NFIB: variants seen among roughly 807,000 people sequenced by gnomAD.
NFIB encodes the protein nuclear factor I B, also known as nuclear factor 1 B-type.
In NFIB, 11 loss-of-function variants were observed where a neutral mutation model predicts 61.5. That is an observed-to-expected ratio of 0.18 (90% CI 0.11 to 0.30). NFIB has a LOEUF of 0.30. Among genes scored for constraint, NFIB ranks in the 10% least tolerant of loss-of-function variants. The probability of loss-of-function intolerance (pLI) is 1.00; values close to 1 mark genes in which losing one functional copy is unlikely to be tolerated. For synonymous variants in NFIB, 260 were observed against 216.5 expected, an observed-to-expected ratio of 1.20 and a Z score of -1.76; for missense variants, 471 against 608.9, an observed-to-expected ratio of 0.77 and a Z score of 2.38.
At chr9:14,318,840 G>A (rs1352093948), upstream of NFIB, among the ~76,000 whole-genome samples, 1 of 152,130 alleles carries the variant, frequency 6.6e-6, no homozygotes, top group Non-Finnish European at 1.5e-5. Context: ...TGTACTTGAT[G>A]AGAATTGCAA....
chr9:14,138,342 ATAAATAAC>A (rs1686648720), intron 6 of NFIB, among the ~76,000 whole-genome samples: 2 of 152,164 alleles, frequency 1.3e-5, no homozygotes, highest in Admixed American at 1.3e-4. Context: ...TCTTCAATAA[ATAAATAAC>A]ACAGAAAAAG....
intron 3 of NFIB, among the ~76,000 whole-genome samples, chr9:14,176,849 G>A (rs2046240045): frequency 6.6e-6 from 1 of 152,134 alleles, no homozygotes; most frequent in Non-Finnish European, 1.5e-5. Flanking sequence ...GCACTTATAG[G>A]ATGATCGGAT....
chr9:14,427,934 G>GTTTTTTTTTTTTTTTTTTTT, the NFIB span, among the ~76,000 whole-genome samples: 142 of 25,952 alleles, frequency 5.5e-3, 8 homozygotes, highest in Non-Finnish European at 9.4e-3. Flanking sequence ...CTTTAATTCA[G>GTTTTTTTTTTTTTTTTTTTT]TTGTTTTTTT....
At chr9:14,293,898 AGTCT>A (rs2059259267) in intron 2 of NFIB, among the ~76,000 whole-genome samples, 1 of 152,216 alleles carries the variant, frequency 6.6e-6, no homozygotes, top group South Asian at 2.1e-4. Flanking sequence ...TACTAAAAAC[AGTCT>A]GTCTACCTAT....
chr9:14,231,132 AAAAATATATATATAT>A (rs1335083593), intron 2 of NFIB, among the ~76,000 whole-genome samples: 997 of 93,202 alleles, frequency 0.011, 35 homozygotes, highest in African/African-American at 0.04. Flanking sequence ...AAAAAAAAAA[AAAAATATATATATAT>A]ATATATATAT....
At chr9:14,172,694 A>G (rs2045699585) in intron 3 of NFIB, among the ~76,000 whole-genome samples, 1 of 152,174 alleles carries the variant, frequency 6.6e-6, no homozygotes, top group Non-Finnish European at 1.5e-5. Context: ...AAAATCTCTA[A>G]CATTCTATTC....
intron 2 of NFIB, among the ~76,000 whole-genome samples, chr9:14,206,228 G>A (rs1341379494): frequency 6.6e-6 from 1 of 150,632 alleles, no homozygotes; most frequent in Admixed American, 6.6e-5. Flanking sequence ...CCACTCAGGT[G>A]CAGTGGTATG....
At chr9:14,124,466 C>T (rs536094564) in intron 7 of NFIB, among the ~76,000 whole-genome samples, 68 of 152,148 alleles carry the variant, frequency 4.5e-4, no homozygotes, top group African/African-American at 1.5e-3. Flanking sequence ...ATAGCACCAA[C>T]AAATATCAAC....
the NFIB span, among the ~76,000 whole-genome samples, chr9:14,529,595 G>A: frequency 1.3e-5 from 2 of 152,080 alleles, no homozygotes; most frequent in African/African-American, 4.8e-5. Flanking sequence ...CTCTTCCAAT[G>A]TATTACTAAA....
At chr9:14,411,446 AT>A in the NFIB span, among the ~76,000 whole-genome samples, 2 of 152,268 alleles carry the variant, frequency 1.3e-5, no homozygotes, top group South Asian at 2.1e-4. Context: ...GTATATTCTC[AT>A]CCCACTTTCC....
chr9:14,414,430 T>TC, the NFIB span, among the ~76,000 whole-genome samples: 1 of 89,502 alleles, frequency 1.1e-5, no homozygotes, highest in Non-Finnish European at 2.0e-5. Flanking sequence ...TGAGACTGTC[T>TC]CAAAAAAAAA....
chr9:14,289,706 T>TATA (rs1231458199), intron 2 of NFIB, among the ~76,000 whole-genome samples: 1 of 152,016 alleles, frequency 6.6e-6, no homozygotes, highest in East Asian at 1.9e-4. Context: ...TCCAGGGACT[T>TATA]AATTATATTA....
chr9:14,366,774 G>A (rs374587116), intron 1 of NFIB, among the ~76,000 whole-genome samples: 18 of 152,226 alleles, frequency 1.2e-4, no homozygotes, highest in African/African-American at 2.4e-4. Context: ...ATGAGCCACC[G>A]TGCCTGGATG....
intron 1 of NFIB, among the ~76,000 whole-genome samples, chr9:14,338,257 G>C (rs1468251526): frequency 6.6e-6 from 1 of 152,158 alleles, no homozygotes; most frequent in Admixed American, 6.5e-5. Context: ...AGCCGGGCAT[G>C]GTGGCGGGCG....
At chr9:14,457,920 C>G in the NFIB span, among the ~76,000 whole-genome samples, 4 of 152,140 alleles carry the variant, frequency 2.6e-5, no homozygotes, top group African/African-American at 4.8e-5. Context: ...GGATTCACAG[C>G]CAAATTCTAC....
intron 3 of NFIB, among the ~76,000 whole-genome samples, chr9:14,171,625 T>C (rs1485836237): frequency 6.6e-6 from 1 of 152,140 alleles, no homozygotes; most frequent in Admixed American, 6.5e-5. Context: ...AAAGAAATCA[T>C]GAGCAACTCT....
the NFIB span, among the ~76,000 whole-genome samples, chr9:14,530,592 G>A: frequency 1.3e-5 from 2 of 152,148 alleles, no homozygotes. Flanking sequence ...TTCCCTGAAC[G>A]TTGAGCTTTC....
intron 2 of NFIB, among the ~76,000 whole-genome samples, chr9:14,284,046 G>T (rs184277682): frequency 6.6e-6 from 1 of 152,214 alleles, no homozygotes; most frequent in Admixed American, 6.5e-5. Context: ...AGTGAAGCTG[G>T]GAATATGAGC....
chr9:14,495,058 T>G, the NFIB span, among the ~76,000 whole-genome samples: 1 of 152,346 alleles, frequency 6.6e-6, no homozygotes, highest in African/African-American at 2.4e-5. Context: ...AAACTTCTGG[T>G]GGCATTGATG....
Sources: gnomAD v4.1 joint callset for allele counts (sites outside exome capture counted in the v4.1 genomes callset) on GRCh38, gnomAD v4.1.1 for gene constraint, MANE v1.5 for transcripts, NCBI Gene and HGNC (gene_info 2026-07-23, HGNC 2026-07-21) for gene names.